Variants in PPA2 observed in about 807,000 individuals in gnomAD.
PPA2 encodes the protein inorganic pyrophosphatase 2, mitochondrial.
A neutral mutation model predicts 49.5 loss-of-function variants in PPA2; 48 were observed. The observed-to-expected ratio is 0.97, with a 90% CI of 0.77 to 1.23. PPA2 has a LOEUF of 1.23. PPA2 is among the 50% of genes most tolerant of loss of function. The probability of loss-of-function intolerance (pLI) is 0.00; values close to 1 mark genes in which losing one functional copy is unlikely to be tolerated. For synonymous variants in PPA2, 131 were observed against 139.9 expected, an observed-to-expected ratio of 0.94 and a Z score of 0.45; for missense variants, 429 against 410.1, an observed-to-expected ratio of 1.05 and a Z score of -0.40.
At chr4:105,430,849 T>C (rs1241746414) in intron 6 of PPA2, among the ~76,000 whole-genome samples, 1 of 152,252 alleles carries the variant, frequency 6.6e-6, no homozygotes, top group Non-Finnish European at 1.5e-5. Context: ...CACTACAGTA[T>C]GTCTTCTATG....
intron 2 of PPA2, among the ~76,000 whole-genome samples, chr4:105,454,476 G>A (rs866018207): frequency 8.6e-5 from 13 of 151,858 alleles, no homozygotes; most frequent in Non-Finnish European, 1.3e-4. Context: ...GACTACAGGC[G>A]CCCGCTACCA....
chr4:105,372,612 CA>C (rs1733071027), intron 10 of PPA2, among the ~76,000 whole-genome samples: 2 of 152,144 alleles, frequency 1.3e-5, no homozygotes, highest in South Asian at 4.1e-4. Context: ...CTGTCCCAAG[CA>C]AAAGGGAATT....
At chr4:105,393,141 A>C (rs959932293) in intron 9 of PPA2, among the ~76,000 whole-genome samples, 2 of 152,138 alleles carry the variant, frequency 1.3e-5, no homozygotes, top group Non-Finnish European at 1.5e-5. Context: ...TGAGGCAAGA[A>C]AGGTTATCTA....
At chr4:105,424,109 A>T in intron 7 of PPA2, 87 bp downstream of exon 7, 1 of 1,352,594 alleles carries the variant, frequency 7.4e-7, no homozygotes, top group Non-Finnish European at 1.0e-6. Flanking sequence ...AAGTACATTT[A>T]ACTCCCCTAT....
intron 6 of PPA2, among the ~76,000 whole-genome samples, chr4:105,437,120 G>C (rs1724095918): frequency 6.6e-6 from 1 of 152,042 alleles, no homozygotes; most frequent in Non-Finnish European, 1.5e-5. Flanking sequence ...ACATTAAAAA[G>C]TGCGCAAAGG....
At position 105,417,959 on chromosome 4, in the gene PPA2, C is replaced by T. The variant is rs1207649171; in HGVS notation, c.655+6237G>A. Among the ~76,000 whole-genome samples, 5 of 152,314 alleles carry T rather than the reference C, an allele frequency of 3.3e-5. No individual in the cohort carries two copies. In the South Asian group the frequency reaches 1.0e-3, roughly 32 times the overall value. On this transcript the variant is annotated intron_variant, in intron 7 of 11. Coordinates refer to ENST00000341695, the MANE Select transcript of PPA2 (RefSeq NM_176869.3). ...CTGGCCATATGATTTAGGCTAGTTACTAACCATGCCCCATGCCCCATCCAC... is the reference window on the plus strand; with the variant it reads ...CTGGCCATATGATTTAGGCTAGTTATTAACCATGCCCCATGCCCCATCCAC...
At chr4:105,390,279 A>G (rs1417643977) in intron 9 of PPA2, among the ~76,000 whole-genome samples, 2 of 152,124 alleles carry the variant, frequency 1.3e-5, no homozygotes, top group Non-Finnish European at 2.9e-5. Context: ...AAAACACCAT[A>G]AACAATTACA....
intron 6 of PPA2, among the ~76,000 whole-genome samples, chr4:105,429,946 G>A (rs1215917838): frequency 5.3e-5 from 8 of 152,196 alleles, no homozygotes. Flanking sequence ...TTAAGCAGAT[G>A]TTCCATGTGC....
chr4:105,461,923 T>C (rs1723108496), intron 1 of PPA2, among the ~76,000 whole-genome samples: 1 of 152,216 alleles, frequency 6.6e-6, no homozygotes, highest in African/African-American at 2.4e-5. Flanking sequence ...TCAGCACTGT[T>C]AGAAAACTGA....
chr4:105,370,868 T>C lies in PPA2; in HGVS notation c.945A>G (p.Ser315=), dbSNP rs768416471. Residue 315 remains serine, a synonymous_variant, in exon 11 of 12, where the codon TCA becomes TCG. Coordinates refer to ENST00000341695, the MANE Select transcript of PPA2 (RefSeq NM_176869.3). ...CATTACTTTCTTTATTTGGTGAAGATGATACCTGGAAATAAAAACAGAGAA... is the reference window on the plus strand; with the variant it reads ...CATTACTTTCTTTATTTGGTGAAGACGATACCTGGAAATAAAAACAGAGAA... ...EEARSLVESV[S]SSPNKESNEE... 6.8e-7 allele frequency: 1 copy of C among 1,473,924 alleles called. No individual in the cohort carries two copies. The highest frequency in any genetic ancestry group is 2.1e-5 in the Admixed American group (1 of 46,678). The allele number at this position is 1,473,924 out of a possible 1,614,324, so 91.3% of individuals were successfully genotyped here.
At chr4:105,456,380 G>T in intron 2 of PPA2, 1 of 431,196 alleles carries the variant, frequency 2.3e-6, no homozygotes, top group Non-Finnish European at 4.4e-6. Context: ...ACAAACGTTA[G>T]CTGATTATTG....
chr4:105,473,335 C>T, intron 1 of PPA2: 1 of 282,376 alleles, frequency 3.5e-6, no homozygotes. Flanking sequence ...TAAACTTGTG[C>T]GTACCAAGTC....
At chr4:105,415,657 G>C (rs1211402260) in intron 7 of PPA2, among the ~76,000 whole-genome samples, 1 of 152,110 alleles carries the variant, frequency 6.6e-6, no homozygotes, top group Non-Finnish European at 1.5e-5. Context: ...CTGCCAACTC[G>C]GAAGGGGGTG....
At chr4:105,369,822 A>C in intron 11 of PPA2, 69 bp from the exon 12 acceptor site, 1 of 1,412,758 alleles carries the variant, frequency 7.1e-7, no homozygotes, top group Non-Finnish European at 1.0e-6. Context: ...GTGATTAATC[A>C]AATTTAATTT....
At chr4:105,415,991 T>G (rs764887490) in intron 7 of PPA2, among the ~76,000 whole-genome samples, 2 of 152,208 alleles carry the variant, frequency 1.3e-5, no homozygotes, top group Non-Finnish European at 2.9e-5. Flanking sequence ...GACCTTCTTC[T>G]AACTGAATAA....
At chr4:105,417,860 C>A (rs1402180086) in intron 7 of PPA2, among the ~76,000 whole-genome samples, 1 of 152,070 alleles carries the variant, frequency 6.6e-6, no homozygotes, top group African/African-American at 2.4e-5. Flanking sequence ...CTGACTAACC[C>A]GGCATTTTTC....
In PPA2 at chr4:105,457,042, T is replaced by TA. The variant is rs771441019; in HGVS notation, c.158-298dup. ...ATAGACTAAAACCCAAAATACATAT[T>TA]AAAAAAAAAAACATCACTTTTGAAA... On this transcript the variant is annotated intron_variant, in intron 1 of 11. Coordinates refer to ENST00000341695, the MANE Select transcript of PPA2 (RefSeq NM_176869.3). 5.2e-3 allele frequency among the ~76,000 whole-genome samples: 759 copies of TA among 145,350 alleles called. 2 individuals are homozygous for TA. Among genetic ancestry groups the TA allele is most frequent in the Non-Finnish European group, 7.0e-3 (463 of 65,768 alleles).
chr4:105,462,373 C>T (rs905165358), intron 1 of PPA2, among the ~76,000 whole-genome samples: 7 of 152,178 alleles, frequency 4.6e-5, no homozygotes, highest in African/African-American at 1.7e-4. Flanking sequence ...CTTTTTAAAA[C>T]ATCTATTTTG....
chr4:105,449,435 T>C, intron 3 of PPA2, 32 bp from the exon 4 acceptor site: 1 of 1,408,026 alleles, frequency 7.1e-7, no homozygotes, highest in Non-Finnish European at 9.8e-7. Context: ...AGAGAGAACA[T>C]TAAAAATTTT....
Sources: gnomAD v4.1 joint callset for allele counts (sites outside exome capture counted in the v4.1 genomes callset) on GRCh38, gnomAD v4.1.1 for gene constraint, MANE v1.5 for transcripts, NCBI Gene and HGNC (gene_info 2026-07-23, HGNC 2026-07-21) for gene names.